The following GNA14 variants were observed in gnomAD, a reference collection of about 807,000 sequenced individuals.
GNA14 encodes the protein guanine nucleotide-binding protein subunit alpha-14.
Under a neutral mutation model 42.0 loss-of-function variants are expected in GNA14, and 50 were observed. That is an observed-to-expected ratio of 1.19 (90% CI 0.95 to 1.51). The LOEUF is 1.51. Among genes scored for constraint, GNA14 ranks in the 40% most tolerant of loss-of-function variants. The pLI is 0.00. For missense variants in GNA14, 473 were observed against 446.2 expected (o/e 1.06, Z -0.54); for synonymous variants, 173 against 163.1 (o/e 1.06, Z -0.46).
chr9:77,535,318 G>C (rs932679554), intron 1 of GNA14, among the ~76,000 whole-genome samples: 6 of 152,174 alleles, frequency 3.9e-5, no homozygotes, highest in African/African-American at 1.4e-4. Context: ...GCGGAGGCGG[G>C]AGGATCACGA....
chr9:77,534,591 C>G (rs10781445), intron 1 of GNA14, among the ~76,000 whole-genome samples: 72,710 of 152,080 alleles, frequency 0.48, 19,096 homozygotes, highest in Non-Finnish European at 0.58. Flanking sequence ...CTGTTTGTAG[C>G]TCAGTTTTGC....
intron 1 of GNA14, among the ~76,000 whole-genome samples, chr9:77,621,193 C>CA (rs1240005865): frequency 2.0e-5 from 3 of 152,140 alleles, no homozygotes; most frequent in Non-Finnish European, 4.4e-5. Context: ...CTCAGCCTCC[C>CA]AACGTGCTGT....
Position 77,623,216 on chromosome 9 carries a change from C to CAAAAAAAAAAAAAAAAAAAAAA in GNA14, c.124+24432_124+24453dup, listed in dbSNP as rs34368561. Among the ~76,000 whole-genome samples, 3 of 26,832 alleles carry CAAAAAAAAAAAAAAAAAAAAAA rather than the reference C, an allele frequency of 1.1e-4. 1 individual carries two copies. Among genetic ancestry groups the CAAAAAAAAAAAAAAAAAAAAAA allele is most frequent in the African/African-American group, 6.2e-5 (1 of 16,230 alleles). 17.6% of individuals were successfully genotyped at this position (26,832 alleles called of 152,430 possible). A position where few individuals can be genotyped will look rare whatever the true frequency, so the allele number is the denominator to read the frequency against. On this transcript the variant is annotated intron_variant, in intron 1 of 6. Coordinates refer to ENST00000341700, the MANE Select transcript of GNA14 (RefSeq NM_004297.4). ...TGGGCAAAAGAGTGAGACGCTGTCTCAAAAAAAAAAAAAAAAAAAAAAAAA... is the reference window on the plus strand; with the variant it reads ...TGGGCAAAAGAGTGAGACGCTGTCTCAAAAAAAAAAAAAAAAAAAAAAAAAAAAAAAAAAAAAAAAAAAAAAA...
chr9:77,576,720 A>G (rs769329099), intron 1 of GNA14, among the ~76,000 whole-genome samples: 15 of 152,142 alleles, frequency 9.9e-5, no homozygotes, highest in Non-Finnish European at 1.5e-4. Context: ...ATTTCCTCAA[A>G]TTTTACGGAG....
At chr9:77,550,572 AAC>A (rs755477514) in intron 1 of GNA14, among the ~76,000 whole-genome samples, 4 of 152,236 alleles carry the variant, frequency 2.6e-5, no homozygotes, top group Non-Finnish European at 5.9e-5. Context: ...CTAGGTTCAA[AAC>A]ACACTCATTA....
intron 1 of GNA14, among the ~76,000 whole-genome samples, chr9:77,580,090 C>A (rs372263600): frequency 1.3e-5 from 2 of 152,282 alleles, no homozygotes; most frequent in South Asian, 2.1e-4. Flanking sequence ...GACTGTATGT[C>A]CTGGTTTGTC....
chr9:77,468,704 A>G (rs553716650), intron 2 of GNA14, among the ~76,000 whole-genome samples: 2 of 152,298 alleles, frequency 1.3e-5, no homozygotes, highest in Non-Finnish European at 2.9e-5. Context: ...GTGCTTCTCT[A>G]TCTTCTCTTC....
rs571065868 is a variant in GNA14, at chr9:77,589,571, G to A, written c.124+58099C>T. Among the ~76,000 whole-genome samples the A allele has an allele frequency of 2.0e-5, 3 of 152,252 alleles. No individual in the cohort carries two copies. In the South Asian group the frequency reaches 6.2e-4, roughly 32 times the overall value. On this transcript the variant is annotated intron_variant, in intron 1 of 6. Coordinates refer to ENST00000341700, the MANE Select transcript of GNA14 (RefSeq NM_004297.4). ...AGGTACTGTGTTTGTTGAAAGGGGA[G>A]AGGGTTGTTTGCTCATCCAGGGTGG...
chr9:77,597,753 T>C (rs1049079191), intron 1 of GNA14, among the ~76,000 whole-genome samples: 4 of 152,032 alleles, frequency 2.6e-5, no homozygotes, highest in Non-Finnish European at 5.9e-5. Flanking sequence ...ATTTCTCCAG[T>C]AAAATTTTCT....
At chr9:77,580,863 G>A (rs574054193) in intron 1 of GNA14, among the ~76,000 whole-genome samples, 10 of 152,268 alleles carry the variant, frequency 6.6e-5, no homozygotes, top group African/African-American at 2.2e-4. Flanking sequence ...ACATGTGCAT[G>A]CAAGTAATAC....
chr9:77,445,050 G>A (rs11145426), intron 2 of GNA14, among the ~76,000 whole-genome samples: 25,439 of 152,204 alleles, frequency 0.17, 2,377 homozygotes, highest in East Asian at 0.36. Flanking sequence ...CTCAAAGGAA[G>A]GGAAACATTT....
chr9:77,533,997 T>C (rs1217917905), intron 1 of GNA14, among the ~76,000 whole-genome samples: 1 of 152,236 alleles, frequency 6.6e-6, no homozygotes, highest in East Asian at 1.9e-4. Flanking sequence ...ACCTTGTGAT[T>C]TTTCTCATAC....
intron 1 of GNA14, among the ~76,000 whole-genome samples, chr9:77,618,077 C>G (rs778363705): frequency 3.3e-5 from 5 of 151,996 alleles, no homozygotes; most frequent in Non-Finnish European, 5.9e-5. Context: ...TTCTAAGTAC[C>G]TGAGGCCTAG....
chr9:77,453,765 C>T (rs908942755), intron 2 of GNA14, among the ~76,000 whole-genome samples: 8 of 152,222 alleles, frequency 5.3e-5, no homozygotes, highest in Non-Finnish European at 1.0e-4. Flanking sequence ...ACAACAAATA[C>T]AGCAACATGG....
At chr9:77,495,886 T>A (rs1181209512) in intron 2 of GNA14, among the ~76,000 whole-genome samples, 1 of 152,216 alleles carries the variant, frequency 6.6e-6, no homozygotes, top group Non-Finnish European at 1.5e-5. Flanking sequence ...ACTTGCTCTA[T>A]TAAACAAGTA....
At chr9:77,524,920 C>T (rs1442991868) in intron 2 of GNA14, among the ~76,000 whole-genome samples, 1 of 152,062 alleles carries the variant, frequency 6.6e-6, no homozygotes, top group Non-Finnish European at 1.5e-5. Context: ...GTAGACAGAG[C>T]ATGTCTCATT....
At chr9:77,542,967 GT>G (rs1837678111) in intron 1 of GNA14, among the ~76,000 whole-genome samples, 1 of 152,234 alleles carries the variant, frequency 6.6e-6, no homozygotes, top group Non-Finnish European at 1.5e-5. Context: ...CAATGTTCAG[GT>G]GGGGGCAGCA....
intron 2 of GNA14, among the ~76,000 whole-genome samples, chr9:77,522,192 T>C (rs550648319): frequency 6.6e-6 from 1 of 152,312 alleles, no homozygotes; most frequent in East Asian, 1.9e-4. Flanking sequence ...GCATCTCTGA[T>C]TGTCTTATCC....
intron 2 of GNA14, among the ~76,000 whole-genome samples, chr9:77,466,817 C>G (rs1836243055): frequency 6.6e-6 from 1 of 152,124 alleles, no homozygotes; most frequent in Non-Finnish European, 1.5e-5. Context: ...TTTAGGGACT[C>G]TGTGTGACTA....
Sources: allele counts gnomAD v4.1 joint callset (sites outside exome capture counted in the v4.1 genomes callset), GRCh38; gene constraint gnomAD v4.1.1; transcripts MANE v1.5; gene names NCBI Gene and HGNC (gene_info 2026-07-23, HGNC 2026-07-21).